TJP3: variants seen among roughly 807,000 people sequenced by gnomAD.
TJP3 encodes tight junction protein 3.
Under a neutral mutation model 104.2 loss-of-function variants are expected in TJP3, and 85 were observed. That is an observed-to-expected ratio of 0.82 (90% CI 0.68 to 0.98). The LOEUF (loss-of-function observed/expected upper bound fraction) is 0.98. Ranked by LOEUF, TJP3 falls within the 50% of genes least tolerant of loss-of-function variation. The probability of loss-of-function intolerance (pLI) is 0.00; values close to 1 mark genes in which losing one functional copy is unlikely to be tolerated. For synonymous variants in TJP3, 550 were observed against 550.6 expected, an observed-to-expected ratio of 1.00 and a Z score of 0.02; for missense variants, 1,367 against 1,322.8, an observed-to-expected ratio of 1.03 and a Z score of -0.52.
rs569479274 is a variant in TJP3 at position 3,730,039 on chromosome 19, A to C, written c.170A>C (p.His57Pro). Residue 57 changes from histidine to proline, a missense_variant, in exon 4 of 21, where the codon CAC becomes CCC. Transcript: ENST00000541714. The surrounding 1 kb of genome is among the most constrained non-coding windows in gnomAD (Gnocchi z 7.3). ...CCCTCCTCTCTCAGGACAGGCGACC[A>C]CATCGTCATGGTGAACGGGGTTTCC... ...PAEGRLQTGD[H>P]IVMVNGVSME... The C allele has an allele frequency of 6.2e-7, 1 of 1,613,994 alleles. No individual in the cohort carries two copies. The highest frequency in any genetic ancestry group is 8.5e-7 in the Non-Finnish European group (1 of 1,179,988).
At chr19:3,712,847 G>A (rs2036445496) in intron 1 of TJP3, among the ~76,000 whole-genome samples, 1 of 151,916 alleles carries the variant, frequency 6.6e-6, no homozygotes, top group South Asian at 2.1e-4. Flanking sequence ...TACACAGGAG[G>A]CTGGGGTGGG....
chr19:3,724,201 C>CTT (rs915401225), intron 1 of TJP3, among the ~76,000 whole-genome samples: 1 of 145,740 alleles, frequency 6.9e-6, no homozygotes, highest in Non-Finnish European at 1.5e-5. Context: ...GGGGCTGTCT[C>CTT]TTTTTTTTTT....
chr19:3,714,104 G>T (rs910864699), intron 1 of TJP3, among the ~76,000 whole-genome samples: 1 of 151,830 alleles, frequency 6.6e-6, no homozygotes, highest in Non-Finnish European at 1.5e-5. Context: ...TGGCTGGAGT[G>T]CAGTGGCGCA....
chr19:3,710,023 C>G (rs978548663), intron 1 of TJP3, among the ~76,000 whole-genome samples: 1 of 151,860 alleles, frequency 6.6e-6, no homozygotes, highest in African/African-American at 2.4e-5. Flanking sequence ...GTGGCAAGCA[C>G]TTGTAATCCC....
Position 3,723,460 on chromosome 19 carries a change from A to G in TJP3, c.-9-4964A>G, listed in dbSNP as rs1030122899. On this transcript the variant is annotated intron_variant, in intron 1 of 20. Transcript: ENST00000541714. ...CCAGAAACATACTAACCGATGGTTA[A>G]AGAGAATAAAGATGATTTTTAGATG... Among the ~76,000 whole-genome samples, 14 of 152,244 alleles carry G rather than the reference A, an allele frequency of 9.2e-5. No individual in the cohort carries two copies. The South Asian group carries it at 2.7e-3, about 29-fold the overall frequency.
Position 3,730,380 on chromosome 19 carries a change from A to T in TJP3, c.287A>T (p.His96Leu). Residue 96 changes from histidine (H) to leucine (L), a missense_variant, in exon 5 of 21, where the codon CAC (histidine) becomes CTC (leucine). Physicochemically the swap from His to Leu is moderately conservative, Grantham distance 99. Coordinates refer to ENST00000541714, the MANE Select transcript of TJP3 (RefSeq NM_001267560.2). The surrounding 1 kb of genome is among the most constrained non-coding windows in gnomAD (Gnocchi z 7.3). ...NITVKRPRRIHLPATKASPSS... is the reference protein window; with the variant it reads ...NITVKRPRRILLPATKASPSS... ...ACAGTGAAACGTCCCCGGAGGATCC[A>T]CCTGCCCGCCACCAAAGCCAGCCCC... The T allele has an allele frequency of 6.5e-7, 1 of 1,546,094 alleles. No homozygotes were observed. The highest frequency in any genetic ancestry group is 8.7e-7 in the Non-Finnish European group (1 of 1,148,554).
chr19:3,735,456 C>T lies in TJP3; in HGVS notation c.987-110C>T, dbSNP rs1172975749. On this transcript the variant is annotated intron_variant, in intron 8 of 20. Transcript: ENST00000541714. ...TCAGGTGATCTGCCCACCTCGACCT[C>T]CCAAAATGCTAGGATTACAGGCATG... is the stretch of plus-strand genomic sequence containing the variant. The T allele has an allele frequency of 3.6e-6, 4 of 1,121,706 alleles. 1 individual carries two copies. Among genetic ancestry groups the T allele is most frequent in the Non-Finnish European group, 5.4e-6 (4 of 744,408 alleles). The allele number at this position is 1,121,706 out of a possible 1,614,324, so 69.5% of individuals were successfully genotyped here. A position where few individuals can be genotyped will look rare whatever the true frequency, so the allele number is the denominator to read the frequency against.
At chr19:3,736,052 G>A in intron 10 of TJP3, 113 bp from the exon 11 acceptor site, 1 of 1,576,766 alleles carries the variant, frequency 6.3e-7, no homozygotes, top group Non-Finnish European at 8.7e-7. Context: ...CATTAAGTGG[G>A]GGTTTTGGGG....
At chr19:3,721,823 G>T (rs963617710) in intron 1 of TJP3, 7 of 943,164 alleles carry the variant, frequency 7.4e-6, no homozygotes, top group Non-Finnish European at 9.7e-6. Context: ...CCCCCAGCCC[G>T]GGGTGGGGGC....
chr19:3,709,888 G>A (rs895696878), intron 1 of TJP3, among the ~76,000 whole-genome samples: 2 of 152,132 alleles, frequency 1.3e-5, no homozygotes, highest in Non-Finnish European at 2.9e-5. Context: ...GGTGGCTCAC[G>A]CCTGTAATCC....
chr19:3,733,027 C>T (rs928091245), intron 6 of TJP3, among the ~76,000 whole-genome samples: 43 of 92,672 alleles, frequency 4.6e-4, no homozygotes, highest in African/African-American at 1.4e-3. Flanking sequence ...TTTCTCTTCT[C>T]TTTTTTCTTT....
chr19:3,750,796 C>CA lies in TJP3; in HGVS notation c.*113dup. ...CTCCCTCCGCCTGGTCTTTAATAAA[C>CA]AGAGTATTTTCACAGCACCGGCTTC... On this transcript the variant is annotated 3_prime_UTR_variant, in exon 21 of 21. Coordinates refer to ENST00000541714, the MANE Select transcript of TJP3 (RefSeq NM_001267560.2). 9.3e-7 allele frequency: 1 copy of CA among 1,074,108 alleles called. No homozygotes were observed. Among genetic ancestry groups the CA allele is most frequent in the Non-Finnish European group, 1.4e-6 (1 of 726,266 alleles). The allele number at this position is 1,074,108 out of a possible 1,614,324, so 66.5% of individuals were successfully genotyped here. A position where few individuals can be genotyped will look rare whatever the true frequency, so the allele number is the denominator to read the frequency against.
chr19:3,750,332 A>C lies in TJP3; in HGVS notation c.2657+148A>C, dbSNP rs913857814. 20 of 1,179,858 alleles carry C rather than the reference A, an allele frequency of 1.7e-5. No individual in the cohort carries two copies. In the African/African-American group the frequency reaches 2.9e-4, roughly 17 times the overall value. 73.1% of individuals were successfully genotyped at this position (1,179,858 alleles called of 1,614,324 possible). Reference sequence around the variant, plus strand: ...GCCTGCCAGAGCCTCTCTAAGCCCCATATAATCAGGGCCAAGGGAGTAGGA... The same window carrying C: ...GCCTGCCAGAGCCTCTCTAAGCCCCCTATAATCAGGGCCAAGGGAGTAGGA... On this transcript the variant is annotated intron_variant, in intron 20 of 20. Transcript: ENST00000541714.
In TJP3 at chr19:3,747,938, AC is replaced by A. The variant is rs2036924142; in HGVS notation, c.2468del (p.Thr823LysfsTer71). On this transcript the variant is annotated frameshift_variant, in exon 19 of 21. Coordinates refer to ENST00000541714, the MANE Select transcript of TJP3 (RefSeq NM_001267560.2). LOFTEE classifies it high-confidence loss of function. ...CGCGTACACGGATGGCGAGGGCTAC[AC>A]AGACGGCGAGGGGGGGCCCTACACG... ...GGAYTDGEGY[T>X]DGEGGPYTDV... The A allele has an allele frequency of 1.2e-6, 2 of 1,613,014 alleles. No individual in the cohort carries two copies. The highest frequency in any genetic ancestry group is 2.7e-5 in the African/African-American group (2 of 74,902).
chr19:3,746,969 C>T lies in TJP3; in HGVS notation c.2322+93C>T, dbSNP rs936535586. The T allele has an allele frequency of 2.2e-5, 28 of 1,256,174 alleles. No individual in the cohort carries two copies. Among genetic ancestry groups the T allele is most frequent in the Non-Finnish European group, 3.0e-5 (27 of 889,448 alleles). 77.8% of individuals were successfully genotyped at this position (1,256,174 alleles called of 1,614,324 possible). ...TTGGGGCCTCTGTCGGGAGTTAGGG[C>T]TTGGTCAGGGATCAGGACTGTGGCC... is the stretch of plus-strand genomic sequence containing the variant. On this transcript the variant is annotated intron_variant, in intron 18 of 20. Coordinates refer to ENST00000541714, the MANE Select transcript of TJP3 (RefSeq NM_001267560.2). This position sits in a 1 kb window ranked among gnomAD's most constrained non-coding sequence, Gnocchi z 4.1.
chr19:3,719,116 G>A (rs977012120), intron 1 of TJP3, among the ~76,000 whole-genome samples: 13 of 152,008 alleles, frequency 8.6e-5, no homozygotes, highest in Non-Finnish European at 1.3e-4. Context: ...CCCCGCAGGC[G>A]GAGCTTGCAG....
At chr19:3,737,910 G>T (rs2036757454) in intron 11 of TJP3, among the ~76,000 whole-genome samples, 1 of 151,978 alleles carries the variant, frequency 6.6e-6, no homozygotes, top group South Asian at 2.1e-4. Flanking sequence ...GCAGGTGGCT[G>T]TGTCTGTATA....
At chr19:3,723,968 A>ATGTCCC (rs1410229481) in intron 1 of TJP3, among the ~76,000 whole-genome samples, 2 of 152,004 alleles carry the variant, frequency 1.3e-5, no homozygotes, top group African/African-American at 4.8e-5. Context: ...CCCGTGAAAC[A>ATGTCCC]TGTCCCAGAT....
chr19:3,748,029 A>G lies in TJP3; in HGVS notation c.2558A>G (p.Glu853Gly). 6.2e-7 allele frequency: 1 copy of G among 1,602,504 alleles called. No individual in the cohort carries two copies. The highest frequency in any genetic ancestry group is 1.1e-5 in the South Asian group (1 of 89,770). Reference sequence around the variant, plus strand: ...TCCTCGGAGCCCGTGCAGGCAGATGAGTCCCAGAGCCCGAGGGATCGTGGG... The same window carrying G: ...TCCTCGGAGCCCGTGCAGGCAGATGGGTCCCAGAGCCCGAGGGATCGTGGG... ...ARSSEPVQAD[E>G]SQSPRDRGRI... Residue 853 changes from glutamate (E) to glycine (G), a missense_variant, in exon 19 of 21, where the codon GAG becomes GGG. Physicochemically the swap from Glu to Gly is moderately conservative, Grantham distance 98. Coordinates refer to ENST00000541714, the MANE Select transcript of TJP3 (RefSeq NM_001267560.2).
Sources: allele counts gnomAD v4.1 joint callset (sites outside exome capture counted in the v4.1 genomes callset), GRCh38; gene constraint gnomAD v4.1.1; non-coding constraint Gnocchi (gnomAD v3.1); transcripts MANE v1.5; gene names NCBI Gene and HGNC (gene_info 2026-07-23, HGNC 2026-07-21).